The following LHFPL3 variants were observed in gnomAD, a reference collection of about 807,000 sequenced individuals.
The protein encoded by LHFPL3 is LHFPL tetraspan subfamily member 3.
Under a neutral mutation model 19.3 loss-of-function variants are expected in LHFPL3, and 5 were observed. The observed-to-expected ratio is 0.26, with a 90% CI of 0.14 to 0.54. The LOEUF (loss-of-function observed/expected upper bound fraction) is 0.54, where lower values mean the gene tolerates loss of function less well. Among genes scored for constraint, LHFPL3 ranks in the 20% least tolerant of loss-of-function variants. The probability of loss-of-function intolerance (pLI) is 0.94; values close to 1 mark genes in which losing one functional copy is unlikely to be tolerated. For missense variants in LHFPL3, 249 were observed against 307.4 expected (o/e 0.81, Z 1.42); for synonymous variants, 133 against 126.2 (o/e 1.05, Z -0.36).
chr7:104,591,845 C>T (rs563261084), intron 1 of LHFPL3, among the ~76,000 whole-genome samples: 1 of 152,260 alleles, frequency 6.6e-6, no homozygotes, highest in South Asian at 2.1e-4. Context: ...AACTTCTCTT[C>T]TCACTTCATT....
At chr7:104,821,392 T>G (rs1251063833) in intron 2 of LHFPL3, among the ~76,000 whole-genome samples, 1 of 152,226 alleles carries the variant, frequency 6.6e-6, no homozygotes, top group African/African-American at 2.4e-5. Flanking sequence ...CAGAAGCACT[T>G]GCAGCTGTGG....
At chr7:104,906,107 CA>C (rs1792595564) in intron 2 of LHFPL3, 79 bp from the exon 3 acceptor site, 7 of 1,381,798 alleles carry the variant, frequency 5.1e-6, no homozygotes, top group Non-Finnish European at 6.1e-6. Context: ...ATATTATGCA[CA>C]AAAATCTTGC....
At chr7:104,644,019 G>A (rs569161446) in intron 1 of LHFPL3, among the ~76,000 whole-genome samples, 2 of 152,302 alleles carry the variant, frequency 1.3e-5, no homozygotes, top group East Asian at 3.9e-4. Flanking sequence ...TTTGCTAAGT[G>A]TTAACTCTAT....
At chr7:104,762,616 A>G (rs1036489416) in intron 2 of LHFPL3, among the ~76,000 whole-genome samples, 5 of 152,234 alleles carry the variant, frequency 3.3e-5, no homozygotes, top group Non-Finnish European at 7.3e-5. Context: ...GATTGAGCCC[A>G]GAGCTGTGAA....
At chr7:104,771,404 T>G (rs1373677175) in intron 2 of LHFPL3, among the ~76,000 whole-genome samples, 9 of 152,298 alleles carry the variant, frequency 5.9e-5, no homozygotes. Flanking sequence ...TCATGATTTG[T>G]TCATGTCAGA....
intron 1 of LHFPL3, among the ~76,000 whole-genome samples, chr7:104,620,415 T>C (rs1791423851): frequency 6.6e-6 from 1 of 152,234 alleles, no homozygotes; most frequent in South Asian, 2.1e-4. Context: ...TATTTTTAGC[T>C]TCTATACCTT....
intron 2 of LHFPL3, among the ~76,000 whole-genome samples, chr7:104,837,986 C>T (rs1791129948): frequency 6.6e-6 from 1 of 152,138 alleles, no homozygotes; most frequent in Non-Finnish European, 1.5e-5. Context: ...ACAATTATAA[C>T]CTTGTTAACC....
chr7:104,833,000 T>TTA lies in LHFPL3; in HGVS notation c.683-73175_683-73174dup, dbSNP rs373220026. Among the ~76,000 whole-genome samples, 14 of 103,522 alleles carry TTA rather than the reference T, an allele frequency of 1.4e-4. 1 individual carries two copies. Among genetic ancestry groups the TTA allele is most frequent in the Admixed American group, 7.6e-4 (5 of 6,574 alleles). 67.9% of individuals were successfully genotyped at this position (103,522 alleles called of 152,430 possible). On this transcript the variant is annotated intron_variant, in intron 2 of 2. Transcript: ENST00000424859. ...TATCCTGGGTTATAGGACATATATA[T>TTA]TATATATATATATTATATATAATAG...
chr7:104,768,555 GC>G (rs1794498919), intron 2 of LHFPL3: 2 of 152,194 alleles, frequency 1.3e-5, no homozygotes, highest in African/African-American at 4.8e-5. Context: ...ATCTACAGAT[GC>G]TCCTCTTCCT....
intron 1 of LHFPL3, among the ~76,000 whole-genome samples, chr7:104,680,373 A>G (rs867195063): frequency 1.3e-5 from 2 of 152,242 alleles, no homozygotes; most frequent in Non-Finnish European, 2.9e-5. Flanking sequence ...TGCTCCCTGT[A>G]ACGGGCTTTG....
chr7:104,880,589 C>T (rs1018081952), intron 2 of LHFPL3, among the ~76,000 whole-genome samples: 1 of 151,274 alleles, frequency 6.6e-6, no homozygotes, highest in South Asian at 2.1e-4. Context: ...AGAAATGGAA[C>T]AACAAAGCCT....
chr7:104,622,142 C>T (rs1791457064), intron 1 of LHFPL3, among the ~76,000 whole-genome samples: 2 of 152,188 alleles, frequency 1.3e-5, no homozygotes, highest in South Asian at 2.1e-4. Context: ...CTCTTTGTCA[C>T]CCAGGCTGGA....
chr7:104,584,075 T>C (rs1790515984), intron 1 of LHFPL3, among the ~76,000 whole-genome samples: 1 of 151,966 alleles, frequency 6.6e-6, no homozygotes, highest in Admixed American at 6.6e-5. Context: ...CCAACAATGA[T>C]AGACTGGATT....
intron 1 of LHFPL3, among the ~76,000 whole-genome samples, chr7:104,589,004 A>G (rs1790646127): frequency 6.6e-6 from 1 of 152,192 alleles, no homozygotes; most frequent in African/African-American, 2.4e-5. Context: ...GCTTAAGAAG[A>G]TTTTGGGCTG....
intron 2 of LHFPL3, among the ~76,000 whole-genome samples, chr7:104,790,467 CT>C (rs146524746): frequency 1.3e-5 from 2 of 152,048 alleles, no homozygotes; most frequent in South Asian, 2.1e-4. Context: ...TTTGCTTGCA[CT>C]TTTTTTTGGT....
chr7:104,359,395 C>T (rs998773451), intron 1 of LHFPL3, among the ~76,000 whole-genome samples: 3 of 152,078 alleles, frequency 2.0e-5, no homozygotes, highest in South Asian at 2.1e-4. Context: ...ATCATAGATG[C>T]GATTGTTAGC....
chr7:104,373,148 A>G (rs895534710), intron 1 of LHFPL3, among the ~76,000 whole-genome samples: 8 of 152,208 alleles, frequency 5.3e-5, no homozygotes, highest in African/African-American at 1.7e-4. Flanking sequence ...AACATTTCAT[A>G]TTTATTTGAC....
chr7:104,808,140 C>A (rs1243225088), intron 2 of LHFPL3, among the ~76,000 whole-genome samples: 2 of 152,208 alleles, frequency 1.3e-5, no homozygotes, highest in Non-Finnish European at 2.9e-5. Context: ...TTCCTCTGAT[C>A]AAGATGAGGA....
intron 2 of LHFPL3, among the ~76,000 whole-genome samples, chr7:104,755,269 C>T (rs138397596): frequency 3.4e-5 from 5 of 148,434 alleles, no homozygotes; most frequent in Admixed American, 2.7e-4. Context: ...CATTTGCTAA[C>T]ATCCCATCAG....
Sources: allele counts gnomAD v4.1 joint callset (sites outside exome capture counted in the v4.1 genomes callset), GRCh38; gene constraint gnomAD v4.1.1; transcripts MANE v1.5; gene names NCBI Gene and HGNC (gene_info 2026-07-23, HGNC 2026-07-21).